GRID2: variants seen among roughly 807,000 people sequenced by gnomAD.
GRID2 encodes the protein glutamate receptor ionotropic, delta-2.
Under a neutral mutation model 114.8 loss-of-function variants are expected in GRID2, and 33 were observed. The observed-to-expected ratio is 0.29, with a 90% confidence interval of 0.22 to 0.38. The LOEUF is 0.38. Ranked by LOEUF, GRID2 falls within the 10% of genes least tolerant of loss-of-function variation. GRID2 has a pLI of 1.00. For synonymous variants in GRID2, 505 were observed against 449.9 expected, an observed-to-expected ratio of 1.12 and a Z score of -1.55; for missense variants, 1,184 against 1,257.7, an observed-to-expected ratio of 0.94 and a Z score of 0.89.
intron 8 of GRID2, among the ~76,000 whole-genome samples, chr4:93,276,460 C>T (rs960876198): frequency 6.6e-5 from 10 of 151,922 alleles, no homozygotes; most frequent in Admixed American, 2.0e-4. Context: ...ACTTTATGAT[C>T]GTCTGTACGA....
chr4:93,755,404 C>T (rs112583955), intron 14 of GRID2, among the ~76,000 whole-genome samples: 2 of 152,200 alleles, frequency 1.3e-5, no homozygotes, highest in Admixed American at 6.5e-5. Flanking sequence ...CGGAATTAGA[C>T]GAGCCTCACT....
At chr4:93,479,383 TAGATAG>T (rs2149444975) in intron 11 of GRID2, among the ~76,000 whole-genome samples, 1 of 152,182 alleles carries the variant, frequency 6.6e-6, no homozygotes, top group East Asian at 1.9e-4. Context: ...TGCCTATATA[TAGATAG>T]ATAGAGATGT....
At chr4:93,331,591 G>A (rs985348542) in intron 8 of GRID2, among the ~76,000 whole-genome samples, 9 of 151,994 alleles carry the variant, frequency 5.9e-5, no homozygotes, top group African/African-American at 2.2e-4. Context: ...ATTTTAATCA[G>A]CACAGCCCTA....
intron 7 of GRID2, among the ~76,000 whole-genome samples, chr4:93,228,627 C>G (rs2149497377): frequency 6.6e-6 from 1 of 152,172 alleles, no homozygotes; most frequent in Admixed American, 6.5e-5. Context: ...ATGAATAAGT[C>G]TAATCTAGCC....
chr4:93,695,350 A>G (rs753291633), intron 14 of GRID2, among the ~76,000 whole-genome samples: 1 of 152,162 alleles, frequency 6.6e-6, no homozygotes, highest in Non-Finnish European at 1.5e-5. Context: ...CACAATCGAA[A>G]TGCATTAAAT....
chr4:92,638,890 T>A (rs1435058100), intron 2 of GRID2, among the ~76,000 whole-genome samples: 1 of 151,260 alleles, frequency 6.6e-6, no homozygotes, highest in African/African-American at 2.4e-5. Flanking sequence ...TTGTTCAGTT[T>A]TTATAAATAG....
chr4:93,154,807 CT>C (rs956225139), intron 4 of GRID2, among the ~76,000 whole-genome samples: 1 of 151,794 alleles, frequency 6.6e-6, no homozygotes, highest in African/African-American at 2.4e-5. Context: ...ACAAAAAACC[CT>C]TTTCCTCTAC....
rs148954196 is a variant in GRID2 at position 93,358,808 on chromosome 4, T to C, written c.1246-36799T>C. 2.7e-3 allele frequency among the ~76,000 whole-genome samples: 408 copies of C among 152,246 alleles called. 2 individuals carry two copies. The highest frequency in any genetic ancestry group is 8.9e-3 in the African/African-American group (369 of 41,576). On this transcript the variant is annotated intron_variant, in intron 8 of 15. Transcript: ENST00000282020. The stretch of plus-strand genomic sequence containing the variant: ...AAAAGTAATACTGAATTAAGTCTGC[T>C]ACTACTATTAATACAGTTATTTTAC...
At chr4:93,293,164 G>C (rs1202385018) in intron 8 of GRID2, among the ~76,000 whole-genome samples, 1 of 152,002 alleles carries the variant, frequency 6.6e-6, no homozygotes, top group African/African-American at 2.4e-5. Flanking sequence ...TTACATTATT[G>C]TGCCTCCAAG....
intron 13 of GRID2, among the ~76,000 whole-genome samples, chr4:93,529,834 A>G (rs919745745): frequency 5.9e-5 from 9 of 152,166 alleles, no homozygotes; most frequent in African/African-American, 1.9e-4. Flanking sequence ...TTTTAGGAAC[A>G]AAACAATACT....
rs1013637548 is a variant in GRID2 at position 92,505,563 on chromosome 4, T to C, written c.89-84568T>C. Among the ~76,000 whole-genome samples the C allele has an allele frequency of 3.9e-5, 6 of 152,006 alleles. No homozygotes were observed. The East Asian group carries it at 5.8e-4, about 15-fold the overall frequency. On this transcript the variant is annotated intron_variant, in intron 1 of 15. Coordinates refer to ENST00000282020, the MANE Select transcript of GRID2 (RefSeq NM_001510.4). The stretch of plus-strand genomic sequence containing the variant: ...TGTTGTAATAGATAAGTGAATTTAA[T>C]GCCACATGTGCCCTTTGTTAGAGTC...
intron 4 of GRID2, among the ~76,000 whole-genome samples, chr4:93,121,041 C>A (rs1345261752): frequency 6.6e-6 from 1 of 152,068 alleles, no homozygotes; most frequent in Non-Finnish European, 1.5e-5. Flanking sequence ...CACATATATA[C>A]CTCTGTAACA....
chr4:93,706,980 C>T lies in GRID2; in HGVS notation c.2361-62230C>T, dbSNP rs564656425. Among the ~76,000 whole-genome samples the T allele has an allele frequency of 1.6e-3, 244 of 152,096 alleles. 2 individuals are homozygous for T. The highest frequency in any genetic ancestry group is 0.015 in the Admixed American group (231 of 15,248). On this transcript the variant is annotated intron_variant, in intron 14 of 15. Coordinates refer to ENST00000282020, the MANE Select transcript of GRID2 (RefSeq NM_001510.4). ...GAAATATCATATGATTTTTCTCCTT[C>T]GTTCTGTTAATATGATGTATCACAT...
At chr4:92,528,873 G>A (rs1215929590) in intron 1 of GRID2, among the ~76,000 whole-genome samples, 2 of 150,200 alleles carry the variant, frequency 1.3e-5, no homozygotes, top group Non-Finnish European at 3.0e-5. Flanking sequence ...CTTCATACAC[G>A]GGAAAAATAT....
At chr4:93,474,305 C>T (rs1006248985) in intron 11 of GRID2, among the ~76,000 whole-genome samples, 1 of 152,140 alleles carries the variant, frequency 6.6e-6, no homozygotes, top group Non-Finnish European at 1.5e-5. Context: ...TCTTACTTGT[C>T]ATTAGAATCT....
chr4:92,520,025 T>G (rs1724688083), intron 1 of GRID2, among the ~76,000 whole-genome samples: 1 of 151,860 alleles, frequency 6.6e-6, no homozygotes, highest in Non-Finnish European at 1.5e-5. Context: ...AGGCACTCCA[T>G]GACCCTTTCA....
chr4:92,859,733 A>G (rs1744404710), intron 2 of GRID2, among the ~76,000 whole-genome samples: 2 of 152,156 alleles, frequency 1.3e-5, no homozygotes, highest in Non-Finnish European at 2.9e-5. Flanking sequence ...TATTCTCTTT[A>G]TTAGTGAGAA....
chr4:93,562,880 C>T lies in GRID2; in HGVS notation c.2193+47469C>T, dbSNP rs537370546. Among the ~76,000 whole-genome samples, 171 of 152,074 alleles carry T rather than the reference C, an allele frequency of 1.1e-3. 1 individual carries two copies. Among genetic ancestry groups the T allele is most frequent in the African/African-American group, 4.0e-3 (166 of 41,532 alleles). ...CTATATCTGGGCTCTCTATTCTGTT[C>T]TATTGATCTCTCTGTGCGTTCTTTT... On this transcript the variant is annotated intron_variant, in intron 13 of 15. Transcript: ENST00000282020.
chr4:92,535,703 A>G (rs1460435260), intron 1 of GRID2, among the ~76,000 whole-genome samples: 1 of 152,132 alleles, frequency 6.6e-6, no homozygotes, highest in Non-Finnish European at 1.5e-5. Context: ...CTAGAAATCT[A>G]TTGTGTCTGG....
Sources: gnomAD v4.1 joint callset for allele counts (sites outside exome capture counted in the v4.1 genomes callset) on GRCh38, gnomAD v4.1.1 for gene constraint, MANE v1.5 for transcripts, NCBI Gene and HGNC (gene_info 2026-07-23, HGNC 2026-07-21) for gene names.